HSD17B11: variants seen among roughly 807,000 people sequenced by gnomAD.
HSD17B11 encodes hydroxysteroid 17-beta dehydrogenase 11.
HSD17B11 carries 22 observed loss-of-function variants against 27.8 expected under a neutral mutation model. That is an observed-to-expected ratio of 0.79 (90% CI 0.56 to 1.13). The LOEUF (loss-of-function observed/expected upper bound fraction) is 1.13. Ranked by LOEUF, HSD17B11 falls within the 50% of genes most tolerant of loss-of-function variation. The probability of loss-of-function intolerance (pLI) is 0.00; values close to 1 mark genes in which losing one functional copy is unlikely to be tolerated. For synonymous variants in HSD17B11, 117 were observed against 132.8 expected (o/e 0.88, Z 0.82); for missense variants, 314 against 351.1 (o/e 0.89, Z 0.84).
At chr4:87,383,121 C>A (rs567792086) in intron 1 of HSD17B11, among the ~76,000 whole-genome samples, 1 of 152,254 alleles carries the variant, frequency 6.6e-6, no homozygotes, top group African/African-American at 2.4e-5. Context: ...AAGGACACAT[C>A]AGGCAGGGTG....
rs1452825854 is a variant in HSD17B11 at position 87,391,165 on chromosome 4, T to C, written c.-95A>G. 3 of 877,468 alleles carry C rather than the reference T, an allele frequency of 3.4e-6. No homozygotes were observed. The highest frequency in any genetic ancestry group is 5.3e-5 in the East Asian group (2 of 37,626). The allele number at this position is 877,468 out of a possible 1,614,324, so 54.4% of individuals were successfully genotyped here. A position where few individuals can be genotyped will look rare whatever the true frequency, so the allele number is the denominator to read the frequency against. On this transcript the variant is annotated 5_prime_UTR_variant, in exon 1 of 7. Coordinates refer to ENST00000358290, the MANE Select transcript of HSD17B11 (RefSeq NM_016245.5). The stretch of plus-strand genomic sequence containing the variant: ...TAGCTCGATCTAACACCAGAAAGAG[T>C]AGGGGCGAGAGCAAGGAGGAACTCC...
chr4:87,354,609 A>C (rs1276100497), intron 5 of HSD17B11, among the ~76,000 whole-genome samples: 1 of 151,404 alleles, frequency 6.6e-6, no homozygotes, highest in Non-Finnish European at 1.5e-5. Flanking sequence ...GTGCCACTGC[A>C]TCCAGCCTGG....
At chr4:87,374,897 CTATT>C (rs1735789178) in intron 2 of HSD17B11, 67 bp from the exon 3 acceptor site, 2 of 1,197,898 alleles carry the variant, frequency 1.7e-6, no homozygotes, top group Non-Finnish European at 2.3e-6. Context: ...TACACAATGG[CTATT>C]TTTTTTTTTT....
At chr4:87,379,182 CCT>C (rs1720058396) in intron 2 of HSD17B11, among the ~76,000 whole-genome samples, 1 of 148,646 alleles carries the variant, frequency 6.7e-6, no homozygotes, top group Admixed American at 6.9e-5. Context: ...GTCTTGAACT[CCT>C]GACTTCAGGT....
At chr4:87,386,363 C>T (rs561681673) in intron 1 of HSD17B11, among the ~76,000 whole-genome samples, 55 of 152,172 alleles carry the variant, frequency 3.6e-4, no homozygotes, top group African/African-American at 1.2e-3. Flanking sequence ...CCACCACACC[C>T]GTCTAATTTT....
intron 4 of HSD17B11, among the ~76,000 whole-genome samples, chr4:87,367,056 G>T (rs1279296808): frequency 1.3e-5 from 2 of 152,098 alleles, no homozygotes; most frequent in Non-Finnish European, 2.9e-5. Context: ...AAACATATTT[G>T]TTTCTCTCTA....
At chr4:87,360,247 C>G (rs1735480864) in intron 4 of HSD17B11, among the ~76,000 whole-genome samples, 1 of 152,130 alleles carries the variant, frequency 6.6e-6, no homozygotes, top group African/African-American at 2.4e-5. Flanking sequence ...TGACAAAAAA[C>G]ACTTTCTTTC....
At chr4:87,371,984 T>G (rs1735725681) in intron 4 of HSD17B11, among the ~76,000 whole-genome samples, 1 of 152,184 alleles carries the variant, frequency 6.6e-6, no homozygotes, top group Admixed American at 6.5e-5. Flanking sequence ...GGCTTACACC[T>G]GTAATCTCAG....
At chr4:87,338,605 G>A (rs1429064891) in intron 6 of HSD17B11, among the ~76,000 whole-genome samples, 2 of 152,062 alleles carry the variant, frequency 1.3e-5, no homozygotes, top group Non-Finnish European at 2.9e-5. Flanking sequence ...GCATGATCAT[G>A]GCTCACTGCA....
chr4:87,363,713 T>C lies in HSD17B11; in HGVS notation c.558-6297A>G, dbSNP rs1418188246. ...TTTGCAAGCTCAAAATTAACTAATC[T>C]AGACTACTTCTGAGAAAAGAAATAG... On this transcript the variant is annotated intron_variant, in intron 4 of 6. Coordinates refer to ENST00000358290, the MANE Select transcript of HSD17B11 (RefSeq NM_016245.5). Among the ~76,000 whole-genome samples, 4 of 152,254 alleles carry C rather than the reference T, an allele frequency of 2.6e-5. No homozygotes were observed. The South Asian group carries it at 8.3e-4, about 31-fold the overall frequency.
chr4:87,388,125 G>A (rs1490353933), intron 1 of HSD17B11, among the ~76,000 whole-genome samples: 4 of 142,412 alleles, frequency 2.8e-5, no homozygotes, highest in Non-Finnish European at 4.5e-5. Context: ...GAAATATAAC[G>A]CAAGCCATGT....
In HSD17B11 at chr4:87,337,232, C is replaced by G. The variant is rs1246409519; in HGVS notation, c.*44G>C. ...TTAAAATTCTGGCACTATTAGATGA[C>G]ATCAACCTAAACCTGGTAAATCAGT... On this transcript the variant is annotated 3_prime_UTR_variant, in exon 7 of 7. Coordinates refer to ENST00000358290, the MANE Select transcript of HSD17B11 (RefSeq NM_016245.5). The G allele has an allele frequency of 8.6e-7, 1 of 1,158,214 alleles. No homozygotes were observed. Among genetic ancestry groups the G allele is most frequent in the East Asian group, 2.4e-5 (1 of 42,542 alleles). The allele number at this position is 1,158,214 out of a possible 1,614,324, so 71.7% of individuals were successfully genotyped here.
At chr4:87,377,449 CAAA>C (rs35761085) in intron 2 of HSD17B11, among the ~76,000 whole-genome samples, 1 of 135,170 alleles carries the variant, frequency 7.4e-6, no homozygotes, top group African/African-American at 2.6e-5. Context: ...GACTCTGTCT[CAAA>C]AAAAAAAAAG....
At chr4:87,353,719 G>A (rs1735327927) in intron 5 of HSD17B11, among the ~76,000 whole-genome samples, 1 of 149,156 alleles carries the variant, frequency 6.7e-6, no homozygotes. Flanking sequence ...GGTCAGCTCT[G>A]TGCGGCCTTG....
At chr4:87,382,121 G>A in intron 2 of HSD17B11, 134 bp downstream of exon 2, 2 of 644,640 alleles carry the variant, frequency 3.1e-6, no homozygotes, top group South Asian at 2.3e-5. Context: ...GGTTTGCTAT[G>A]AGCTAGTTCT....
chr4:87,344,964 T>C (rs1421329665), intron 5 of HSD17B11, among the ~76,000 whole-genome samples: 1 of 152,034 alleles, frequency 6.6e-6, no homozygotes, highest in African/African-American at 2.4e-5. Flanking sequence ...GAACACAACA[T>C]ATCAAGATTT....
chr4:87,373,944 CAT>C (rs1735770678), intron 3 of HSD17B11, among the ~76,000 whole-genome samples: 1 of 152,114 alleles, frequency 6.6e-6, no homozygotes, highest in African/African-American at 2.4e-5. Flanking sequence ...GGCATATGTA[CAT>C]ATATATAACT....
chr4:87,386,361 C>T (rs1720318806), intron 1 of HSD17B11, among the ~76,000 whole-genome samples: 1 of 152,134 alleles, frequency 6.6e-6, no homozygotes, highest in African/African-American at 2.4e-5. Flanking sequence ...CGCCACCACA[C>T]CCGTCTAATT....
At chr4:87,389,902 T>C (rs1487037950) in intron 1 of HSD17B11, among the ~76,000 whole-genome samples, 1 of 152,176 alleles carries the variant, frequency 6.6e-6, no homozygotes, top group African/African-American at 2.4e-5. Context: ...TTATTGTTTT[T>C]ACTAAAAGAT....
Sources: allele counts gnomAD v4.1 joint callset (sites outside exome capture counted in the v4.1 genomes callset), GRCh38; gene constraint gnomAD v4.1.1; transcripts MANE v1.5; gene names NCBI Gene and HGNC (gene_info 2026-07-23, HGNC 2026-07-21).